The following MYPN variants were observed in gnomAD, a reference collection of about 807,000 sequenced individuals.
MYPN encodes the protein myopalladin, also known as sarcomeric protein myopalladin, 145 kDa (MYOP).
Under a neutral mutation model 129.4 loss-of-function variants are expected in MYPN, and 63 were observed. The ratio of observed to expected loss-of-function variants is 0.49; its 90% CI spans 0.40 to 0.60. MYPN has a LOEUF of 0.60. Among genes scored for constraint, MYPN ranks in the 20% least tolerant of loss-of-function variants. The probability of loss-of-function intolerance (pLI) is 0.00; values close to 1 mark genes in which losing one functional copy is unlikely to be tolerated. For synonymous variants in MYPN, 629 were observed against 600.9 expected, an observed-to-expected ratio of 1.05 and a Z score of -0.68; for missense variants, 1,596 against 1,635.4, an observed-to-expected ratio of 0.98 and a Z score of 0.42.
At chr10:68,154,108 C>T (rs1361636062) in intron 6 of MYPN, among the ~76,000 whole-genome samples, 1 of 152,208 alleles carries the variant, frequency 6.6e-6, no homozygotes, top group Non-Finnish European at 1.5e-5. Context: ...CTACTCTACT[C>T]ATAGGTGATA....
rs529221329 is a variant in MYPN at position 68,174,556 on chromosome 10, C to T, written c.2464C>T (p.Arg822Trp). 10 of 1,614,142 alleles carry T rather than the reference C, an allele frequency of 6.2e-6. No homozygotes were observed. The highest frequency in any genetic ancestry group is 3.3e-5 in the Admixed American group (2 of 60,016). Reference sequence around the variant, plus strand: ...CCCAATTCCTGTCTCTCCTACCAGCCGGATTCAGAACCCAGTGGCTTTCCT... The same window carrying T: ...CCCAATTCCTGTCTCTCCTACCAGCTGGATTCAGAACCCAGTGGCTTTCCT... The part of the protein sequence containing the change: ...VSPIPVSPTS[R>W]IQNPVAFLSS... The change falls in exon 11 of 20, where the codon CGG becomes TGG. Residue 822 changes from arginine (R) to tryptophan (W), a missense_variant. Transcript: ENST00000358913.
At chr10:68,173,845 T>C (rs2134197226) in intron 10 of MYPN, among the ~76,000 whole-genome samples, 1 of 87,150 alleles carries the variant, frequency 1.1e-5, no homozygotes, top group African/African-American at 3.0e-5. Flanking sequence ...TTTTTTTTTT[T>C]TGTTAGAGAC....
At chr10:68,122,441 C>T in intron 2 of MYPN, 101 bp downstream of exon 2, 1 of 1,261,758 alleles carries the variant, frequency 7.9e-7, no homozygotes, top group Non-Finnish European at 1.1e-6. Flanking sequence ...AAATTATATA[C>T]TCCCTTTGAG....
At chr10:68,183,263 C>G (rs61857173) in intron 12 of MYPN, among the ~76,000 whole-genome samples, 1 of 151,908 alleles carries the variant, frequency 6.6e-6, no homozygotes, top group East Asian at 1.9e-4. Flanking sequence ...GAGTTCAAGA[C>G]CAGCCTGGAC....
intron 11 of MYPN, 38 bp from the exon 12 acceptor site, chr10:68,175,284 GC>G (rs1252470028): frequency 5.6e-6 from 9 of 1,613,138 alleles, no homozygotes; most frequent in Non-Finnish European, 7.6e-6. Context: ...CCTGGCCAGT[GC>G]TTTTCATGGG....
At chr10:68,142,417 C>A (rs1020941248) in intron 2 of MYPN, among the ~76,000 whole-genome samples, 4 of 152,142 alleles carry the variant, frequency 2.6e-5, no homozygotes, top group Admixed American at 6.5e-5. Flanking sequence ...GGTTATTTGC[C>A]AGAGTTGGGC....
chr10:68,089,470 T>C (rs2041921137), intron 1 of MYPN, among the ~76,000 whole-genome samples: 1 of 151,990 alleles, frequency 6.6e-6, no homozygotes, highest in Non-Finnish European at 1.5e-5. Flanking sequence ...GCCTCCCGAG[T>C]AGCTGGGACT....
intron 1 of MYPN, among the ~76,000 whole-genome samples, chr10:68,115,266 A>T (rs2042140739): frequency 6.6e-6 from 1 of 151,648 alleles, no homozygotes; most frequent in Non-Finnish European, 1.5e-5. Flanking sequence ...CTCAAAAAAA[A>T]AAAAAAAAAA....
At chr10:68,202,522 A>T (rs1329595861) in intron 18 of MYPN, among the ~76,000 whole-genome samples, 5 of 152,190 alleles carry the variant, frequency 3.3e-5, no homozygotes, top group African/African-American at 1.2e-4. Flanking sequence ...GACCCAGAAA[A>T]GCTCTTTGAA....
chr10:68,128,852 G>A (rs1225005247), intron 2 of MYPN, among the ~76,000 whole-genome samples: 1 of 152,106 alleles, frequency 6.6e-6, no homozygotes, highest in Non-Finnish European at 1.5e-5. Context: ...AAAATTTGAA[G>A]CCCTTGATGC....
intron 13 of MYPN, among the ~76,000 whole-genome samples, chr10:68,192,478 T>TTGTTGTTGC (rs2043531450): frequency 6.6e-6 from 1 of 152,176 alleles, no homozygotes; most frequent in Non-Finnish European, 1.5e-5. Flanking sequence ...GTTGCTGTTG[T>TTGTTGTTGC]TGTTGGGTCT....
upstream of MYPN, among the ~76,000 whole-genome samples, chr10:68,108,464 A>G (rs2042039016): frequency 6.6e-6 from 1 of 152,232 alleles, no homozygotes; most frequent in African/African-American, 2.4e-5. Flanking sequence ...CATTACGAAA[A>G]TAATTATCAA....
intron 8 of MYPN, among the ~76,000 whole-genome samples, chr10:68,163,646 T>TA: frequency 6.6e-6 from 1 of 151,712 alleles, no homozygotes; most frequent in East Asian, 1.9e-4. Flanking sequence ...AATAAATAAA[T>TA]AAAAAATAAA....
At chr10:68,147,410 A>G (rs2042685746) in intron 4 of MYPN, among the ~76,000 whole-genome samples, 1 of 152,038 alleles carries the variant, frequency 6.6e-6, no homozygotes, top group Non-Finnish European at 1.5e-5. Flanking sequence ...ACCCACTTCA[A>G]CCTCCCAGAG....
At position 68,140,198 on chromosome 10, in the gene MYPN, G is replaced by A. The variant is rs560448033; in HGVS notation, c.903-2742G>A. Among the ~76,000 whole-genome samples, 9 of 152,298 alleles carry A rather than the reference G, an allele frequency of 5.9e-5. No homozygotes were observed. The South Asian group carries it at 1.0e-3, about 18-fold the overall frequency. On this transcript the variant is annotated intron_variant, in intron 2 of 19. Transcript: ENST00000358913. ...GTGTTCACAGAATCAAAAGACCAAC[G>A]TGGTTGGAACATATTGAAGGGAAGA... is the stretch of plus-strand genomic sequence containing the variant.
chr10:68,097,311 G>A (rs1203111292), intron 1 of MYPN, among the ~76,000 whole-genome samples: 6 of 151,980 alleles, frequency 3.9e-5, no homozygotes, highest in African/African-American at 9.7e-5. Flanking sequence ...CGGGATAGAC[G>A]CCAAGGACTG....
chr10:68,144,495 G>A (rs1459687854), intron 3 of MYPN, among the ~76,000 whole-genome samples: 1 of 152,072 alleles, frequency 6.6e-6, no homozygotes, highest in Non-Finnish European at 1.5e-5. Flanking sequence ...GAAATGTGTT[G>A]TATGTGTATG....
intron 2 of MYPN, among the ~76,000 whole-genome samples, chr10:68,140,200 G>T (rs1460063052): frequency 6.6e-6 from 1 of 152,128 alleles, no homozygotes; most frequent in African/African-American, 2.4e-5. Flanking sequence ...AGACCAACGT[G>T]GTTGGAACAT....
At chr10:68,108,486 A>G (rs2042039314), upstream of MYPN, among the ~76,000 whole-genome samples, 1 of 152,212 alleles carries the variant, frequency 6.6e-6, no homozygotes, top group Non-Finnish European at 1.5e-5. Flanking sequence ...TGAATGAATG[A>G]CTAGGAAGAA....
Sources: gnomAD v4.1 joint callset for allele counts (sites outside exome capture counted in the v4.1 genomes callset) on GRCh38, gnomAD v4.1.1 for gene constraint, MANE v1.5 for transcripts, NCBI Gene and HGNC (gene_info 2026-07-23, HGNC 2026-07-21) for gene names.